Variants in BABAM2 observed in about 807,000 individuals in gnomAD.
BABAM2 encodes BRISC and BRCA1-A complex member 2.
Under a neutral mutation model 54.7 loss-of-function variants are expected in BABAM2, and 31 were observed. The observed-to-expected ratio is 0.57, with a 90% CI of 0.43 to 0.77. The LOEUF is 0.77. BABAM2 is among the 30% of genes least tolerant of loss of function. BABAM2 has a pLI of 0.00. For missense variants in BABAM2, 364 were observed against 455.8 expected (o/e 0.80, Z 1.83); for synonymous variants, 167 against 162.9 (o/e 1.03, Z -0.19).
At chr2:28,133,989 C>A (rs907794263) in intron 7 of BABAM2, among the ~76,000 whole-genome samples, 2 of 152,124 alleles carry the variant, frequency 1.3e-5, no homozygotes, top group African/African-American at 2.4e-5. Context: ...TGCTTAGATG[C>A]ATATTGTTTA....
At chr2:28,033,226 CTAT>C (rs1676425244) in intron 5 of BABAM2, among the ~76,000 whole-genome samples, 2 of 151,582 alleles carry the variant, frequency 1.3e-5, no homozygotes, top group Admixed American at 6.6e-5. Flanking sequence ...TATATTGCCA[CTAT>C]TATTATTATT....
intron 4 of BABAM2, among the ~76,000 whole-genome samples, chr2:28,004,530 G>A (rs903633450): frequency 2.0e-5 from 3 of 152,154 alleles, no homozygotes; most frequent in Admixed American, 6.5e-5. Flanking sequence ...ATTTTCAAAA[G>A]AAGGACAGCT....
At chr2:28,072,746 T>G (rs942261232) in intron 6 of BABAM2, among the ~76,000 whole-genome samples, 9 of 152,226 alleles carry the variant, frequency 5.9e-5, no homozygotes, top group African/African-American at 2.2e-4. Flanking sequence ...GGTATGCTCA[T>G]TGCTACCAGA....
chr2:27,975,410 T>A (rs928677598), intron 3 of BABAM2, among the ~76,000 whole-genome samples: 3 of 152,054 alleles, frequency 2.0e-5, no homozygotes, highest in African/African-American at 7.2e-5. Context: ...AACAAAATAG[T>A]CCAATAATAG....
At chr2:28,139,225 G>A (rs1233126418) in intron 7 of BABAM2, among the ~76,000 whole-genome samples, 4 of 150,880 alleles carry the variant, frequency 2.7e-5, no homozygotes, top group Admixed American at 1.3e-4. Context: ...GGGAGGCTGA[G>A]GCAGGAGAAT....
chr2:28,216,477 C>T (rs754923867), intron 7 of BABAM2, among the ~76,000 whole-genome samples: 11 of 152,206 alleles, frequency 7.2e-5, no homozygotes, highest in Non-Finnish European at 1.0e-4. Flanking sequence ...TTTAGTTCAT[C>T]TTCCTTGGAA....
intron 7 of BABAM2, among the ~76,000 whole-genome samples, chr2:28,231,372 G>C (rs72855696): frequency 1.3e-5 from 2 of 152,282 alleles, no homozygotes; most frequent in African/African-American, 2.4e-5. Context: ...TACCCTAGTC[G>C]TGTGTTCAGA....
chr2:28,177,283 G>C (rs1261344884), intron 7 of BABAM2, among the ~76,000 whole-genome samples: 1 of 151,684 alleles, frequency 6.6e-6, no homozygotes, highest in Non-Finnish European at 1.5e-5. Flanking sequence ...AAAACTGTTA[G>C]CCAAGTATAC....
chr2:28,026,805 AATATATAAATATATATTTAT>A lies in BABAM2; in HGVS notation c.495+1402_495+1421del, dbSNP rs1430527614. 2.8e-3 allele frequency among the ~76,000 whole-genome samples: 212 copies of A among 76,534 alleles called. 17 individuals are homozygous for A. The highest frequency in any genetic ancestry group is 0.011 in the African/African-American group (205 of 17,856). The allele number at this position is 76,534 out of a possible 152,430, so 50.2% of individuals were successfully genotyped here. A position where few individuals can be genotyped will look rare whatever the true frequency, so the allele number is the denominator to read the frequency against. ...AATATAAATATATATTTATATAAAAAATATATAAATATATATTTATATATATAAATATATATAAATATATA... is the reference window on the plus strand; with the variant it reads ...AATATAAATATATATTTATATAAAAAATATATAAATATATATAAATATATA... On this transcript the variant is annotated intron_variant, in intron 5 of 11. Coordinates refer to ENST00000379624, the MANE Select transcript of BABAM2 (RefSeq NM_199191.3).
chr2:28,286,211 C>T (rs1177447107), intron 10 of BABAM2, among the ~76,000 whole-genome samples: 11 of 152,096 alleles, frequency 7.2e-5, no homozygotes, highest in Non-Finnish European at 1.6e-4. Context: ...ATCTCGGCCT[C>T]CCAAAGTGTT....
intron 3 of BABAM2, among the ~76,000 whole-genome samples, chr2:27,982,265 T>C (rs1672059679): frequency 6.6e-6 from 1 of 152,138 alleles, no homozygotes; most frequent in African/African-American, 2.4e-5. Context: ...CTTTATTAGC[T>C]ATGTGATTTG....
intron 4 of BABAM2, among the ~76,000 whole-genome samples, chr2:28,008,702 C>G (rs541638077): frequency 6.6e-6 from 1 of 152,186 alleles, no homozygotes; most frequent in Admixed American, 6.5e-5. Flanking sequence ...ATTGAGTAAG[C>G]TATTTGGCAC....
intron 3 of BABAM2, 90 bp downstream of exon 3, chr2:27,929,998 T>TTGTTATCTCACAATATTG: frequency 8.5e-7 from 1 of 1,183,078 alleles, no homozygotes; most frequent in South Asian, 1.3e-5. Flanking sequence ...CGGCTGTTAG[T>TTGTTATCTCACAATATTG]TGTTATCTCC....
chr2:28,103,553 C>G (rs1304085559), intron 6 of BABAM2, among the ~76,000 whole-genome samples: 2 of 152,180 alleles, frequency 1.3e-5, no homozygotes, highest in Non-Finnish European at 2.9e-5. Flanking sequence ...AATCCATCCT[C>G]CCATCTCAGC....
At chr2:28,060,208 C>T (rs2148638324) in intron 6 of BABAM2, among the ~76,000 whole-genome samples, 1 of 152,180 alleles carries the variant, frequency 6.6e-6, no homozygotes, top group Non-Finnish European at 1.5e-5. Context: ...CAAAAATCAA[C>T]AATATAACTA....
intron 6 of BABAM2, among the ~76,000 whole-genome samples, chr2:28,118,506 A>G (rs1468312395): frequency 1.3e-5 from 2 of 152,112 alleles, no homozygotes; most frequent in Non-Finnish European, 2.9e-5. Context: ...TTGTTGGCCA[A>G]ACAAATGCCT....
At chr2:28,238,848 A>AT (rs1682154745) in intron 8 of BABAM2, among the ~76,000 whole-genome samples, 1 of 151,630 alleles carries the variant, frequency 6.6e-6, no homozygotes, top group Non-Finnish European at 1.5e-5. Flanking sequence ...CTCAAAAAAA[A>AT]ATTATAACAC....
At chr2:28,252,146 G>A (rs1398194411) in intron 10 of BABAM2, among the ~76,000 whole-genome samples, 7 of 150,396 alleles carry the variant, frequency 4.7e-5, no homozygotes, top group South Asian at 2.1e-4. Context: ...AGAACGTGCC[G>A]TTGCACTCCA....
intron 6 of BABAM2, among the ~76,000 whole-genome samples, chr2:28,109,905 A>G (rs888687881): frequency 1.3e-5 from 2 of 151,944 alleles, no homozygotes; most frequent in Non-Finnish European, 2.9e-5. Context: ...CATCTTAACC[A>G]TTTTTTAGTT....
Sources: gnomAD v4.1 joint callset for allele counts (sites outside exome capture counted in the v4.1 genomes callset) on GRCh38, gnomAD v4.1.1 for gene constraint, MANE v1.5 for transcripts, NCBI Gene and HGNC (gene_info 2026-07-23, HGNC 2026-07-21) for gene names.